Variants in LPIN1 observed in about 807,000 individuals in gnomAD.
LPIN1 encodes the protein lipin 1, also known as phosphatidate phosphatase LPIN1.
LPIN1 carries 71 observed loss-of-function variants against 107.5 expected under a neutral mutation model. That is an observed-to-expected ratio of 0.66 (90% CI 0.55 to 0.80). The LOEUF (loss-of-function observed/expected upper bound fraction) is 0.80, where lower values mean the gene tolerates loss of function less well. Ranked by LOEUF, LPIN1 falls within the 30% of genes least tolerant of loss-of-function variation. LPIN1 has a pLI of 0.00. For synonymous variants in LPIN1, 445 were observed against 452.6 expected (o/e 0.98, Z 0.21); for missense variants, 1,043 against 1,160.6 (o/e 0.90, Z 1.47).
intron 1 of LPIN1, among the ~76,000 whole-genome samples, chr2:11,690,250 T>C (rs972227402): frequency 2.0e-5 from 3 of 152,244 alleles, no homozygotes; most frequent in Non-Finnish European, 2.9e-5. Context: ...CAAATTCCTT[T>C]AGTTTTTGTT....
intron 1 of LPIN1, among the ~76,000 whole-genome samples, chr2:11,737,453 C>T (rs1290593282): frequency 2.6e-5 from 4 of 152,158 alleles, no homozygotes; most frequent in African/African-American, 9.7e-5. Flanking sequence ...AGGCAACCTA[C>T]AGAATGGGAG....
chr2:11,728,388 T>TA (rs1036411631), intron 1 of LPIN1, among the ~76,000 whole-genome samples: 29 of 152,180 alleles, frequency 1.9e-4, no homozygotes, highest in Middle Eastern at 3.4e-3. Context: ...CTTGTTTTAT[T>TA]AAAAAAAATT....
At chr2:11,812,742 G>A (rs547616547) in intron 17 of LPIN1, among the ~76,000 whole-genome samples, 3 of 152,202 alleles carry the variant, frequency 2.0e-5, no homozygotes, top group African/African-American at 4.8e-5. Context: ...GACGACGTCT[G>A]TGAGAGGTTG....
chr2:11,811,341 A>G (rs1405566098), intron 17 of LPIN1, among the ~76,000 whole-genome samples: 1 of 152,222 alleles, frequency 6.6e-6, no homozygotes, highest in Non-Finnish European at 1.5e-5. Flanking sequence ...ATGGAGACTT[A>G]GTGCTGCCTG....
intron 14 of LPIN1, among the ~76,000 whole-genome samples, chr2:11,797,414 G>A (rs1414053204): frequency 1.3e-5 from 2 of 152,194 alleles, no homozygotes; most frequent in African/African-American, 2.4e-5. Flanking sequence ...GAGGACATGC[G>A]TTCAATCCCA....
chr2:11,726,535 G>C (rs1290100480), intron 1 of LPIN1, among the ~76,000 whole-genome samples: 2 of 151,796 alleles, frequency 1.3e-5, no homozygotes, highest in Non-Finnish European at 2.9e-5. Flanking sequence ...TCCAGGTCTG[G>C]ATCAGATCCC....
In LPIN1 at chr2:11,771,153, A is replaced by C. The variant is rs957033778; in HGVS notation, c.289-219A>C. On this transcript the variant is annotated intron_variant, in intron 3 of 20. Transcript: ENST00000674199. This position sits in a 1 kb window ranked among gnomAD's most constrained non-coding sequence, Gnocchi z 4.8. ...TTACATAAATGCAGGATTGAGTACA[A>C]AGTGGCATTCAATACATTGTTGGCT... Among the ~76,000 whole-genome samples the C allele has an allele frequency of 6.6e-6, 1 of 152,182 alleles. No homozygotes were observed. Among genetic ancestry groups the C allele is most frequent in the African/African-American group, 2.4e-5 (1 of 41,446 alleles).
intron 1 of LPIN1, among the ~76,000 whole-genome samples, chr2:11,710,306 G>A (rs1235297820): frequency 5.3e-5 from 8 of 152,100 alleles, no homozygotes; most frequent in Non-Finnish European, 8.8e-5. Context: ...AATCCATAGC[G>A]TCACATAAGT....
chr2:11,779,470 A>G (rs1673207332), intron 6 of LPIN1, 49 bp from the exon 7 acceptor site: 1 of 1,606,304 alleles, frequency 6.2e-7, no homozygotes. Context: ...CAAAACATTT[A>G]CAAAAGTTTC....
chr2:11,701,484 C>T (rs548178638), intron 1 of LPIN1, among the ~76,000 whole-genome samples: 29 of 152,228 alleles, frequency 1.9e-4, no homozygotes, highest in South Asian at 8.3e-4. Context: ...GTCACAGCGC[C>T]GGCCCAGGTG....
At chr2:11,750,696 C>T (rs1558798556) in intron 1 of LPIN1, among the ~76,000 whole-genome samples, 1 of 152,202 alleles carries the variant, frequency 6.6e-6, no homozygotes, top group Non-Finnish European at 1.5e-5. Flanking sequence ...AACTGCAGTG[C>T]AGAGAGCTTA....
chr2:11,747,989 T>C (rs1667219137), intron 1 of LPIN1, among the ~76,000 whole-genome samples: 1 of 152,228 alleles, frequency 6.6e-6, no homozygotes, highest in Admixed American at 6.5e-5. Flanking sequence ...GCGAGTTCTT[T>C]CACCCACCCA....
At chr2:11,677,586 C>T, upstream of LPIN1, 1 of 1,276,266 alleles carries the variant, frequency 7.8e-7, no homozygotes, top group Non-Finnish European at 1.1e-6. Flanking sequence ...GCCGGTGTTG[C>T]CGGGGGACAT....
At chr2:11,705,722 T>C (rs182951037) in intron 1 of LPIN1, among the ~76,000 whole-genome samples, 1 of 152,236 alleles carries the variant, frequency 6.6e-6, no homozygotes, top group Non-Finnish European at 1.5e-5. Context: ...GAAATGAGAC[T>C]GCAAGTGTGG....
intron 20 of LPIN1, 34 bp from the exon 21 acceptor site, chr2:11,824,592 GTATCGC>G: frequency 1.9e-6 from 3 of 1,611,618 alleles, no homozygotes; most frequent in Non-Finnish European, 1.7e-6. Context: ...TGCATAGCTG[GTATCGC>G]TCAGTGCCAG....
intron 1 of LPIN1, chr2:11,764,078 G>GTATATATATA (rs770059867): frequency 7.9e-5 from 5 of 63,246 alleles, no homozygotes; most frequent in East Asian, 4.0e-4. Flanking sequence ...GTGTGTGTGT[G>GTATATATATA]TATATATATA....
chr2:11,716,775 TAC>T (rs1254265901), intron 2 of LPIN1, among the ~76,000 whole-genome samples: 2 of 152,040 alleles, frequency 1.3e-5, no homozygotes, highest in Non-Finnish European at 2.9e-5. Context: ...CTCAACGAAA[TAC>T]ACACTCACCA....
chr2:11,693,895 C>T (rs1167948061), intron 1 of LPIN1, among the ~76,000 whole-genome samples: 1 of 122,394 alleles, frequency 8.2e-6, no homozygotes, highest in Non-Finnish European at 1.6e-5. Context: ...AGTGCAATAG[C>T]AAGATCCCGG....
At chr2:11,701,573 A>G (rs1159745268) in intron 1 of LPIN1, among the ~76,000 whole-genome samples, 1 of 152,234 alleles carries the variant, frequency 6.6e-6, no homozygotes, top group East Asian at 1.9e-4. Context: ...CAGTAGTAGT[A>G]GTAATAAAAA....
Sources: gnomAD v4.1 joint callset for allele counts (sites outside exome capture counted in the v4.1 genomes callset) on GRCh38, gnomAD v4.1.1 for gene constraint, Gnocchi (gnomAD v3.1) non-coding constraint, MANE v1.5 for transcripts, NCBI Gene and HGNC (gene_info 2026-07-23, HGNC 2026-07-21) for gene names.